The following EXOC2 variants were observed in gnomAD, a reference collection of about 807,000 sequenced individuals.
EXOC2 encodes exocyst complex component 2, also known as SEC5-like 1.
A neutral mutation model predicts 131.8 loss-of-function variants in EXOC2; 70 were observed. That is an observed-to-expected ratio of 0.53 (90% CI 0.44 to 0.65). The LOEUF (loss-of-function observed/expected upper bound fraction) is 0.65. Ranked by LOEUF, EXOC2 falls within the 30% of genes least tolerant of loss-of-function variation. EXOC2 has a pLI of 0.00. For synonymous variants in EXOC2, 411 were observed against 398.4 expected, an observed-to-expected ratio of 1.03 and a Z score of -0.38; for missense variants, 923 against 1,108.6, an observed-to-expected ratio of 0.83 and a Z score of 2.38.
chr6:548,552 T>C (rs547277382), intron 22 of EXOC2, among the ~76,000 whole-genome samples: 9 of 152,334 alleles, frequency 5.9e-5, no homozygotes, highest in African/African-American at 2.2e-4. Flanking sequence ...ACTCACTCCA[T>C]TAATTTCTAC....
intron 1 of EXOC2, among the ~76,000 whole-genome samples, chr6:654,539 C>T (rs1218506186): frequency 6.6e-6 from 1 of 152,046 alleles, no homozygotes; most frequent in Non-Finnish European, 1.5e-5. Context: ...GTGGCTCATG[C>T]CTGTAATCCC....
At chr6:664,428 G>GA (rs1432139650) in intron 1 of EXOC2, among the ~76,000 whole-genome samples, 9 of 152,058 alleles carry the variant, frequency 5.9e-5, no homozygotes, top group African/African-American at 2.2e-4. Context: ...CACAAAATTA[G>GA]AAAAAGCAAT....
chr6:590,104 G>A (rs921790001), intron 11 of EXOC2, among the ~76,000 whole-genome samples: 1 of 131,382 alleles, frequency 7.6e-6, no homozygotes, highest in African/African-American at 2.7e-5. Context: ...GACAAAGCGA[G>A]ACTCTGTCTG....
chr6:646,585 T>C (rs1762588369), intron 1 of EXOC2, among the ~76,000 whole-genome samples: 1 of 152,234 alleles, frequency 6.6e-6, no homozygotes. Context: ...CTACACAACA[T>C]ATTAGGCTCA....
Position 546,073 on chromosome 6 carries a change from C to T in EXOC2, c.2238+3102G>A, listed in dbSNP as rs1209358896. 4.6e-5 allele frequency among the ~76,000 whole-genome samples: 7 copies of T among 151,600 alleles called. No individual in the cohort carries two copies. In the East Asian group the frequency reaches 7.7e-4, roughly 17 times the overall value. ...TCATGGTTACTATAAATATTAAAAT[C>T]GTAGTGTCTACCTTTGGTTGGTGCA... On this transcript the variant is annotated intron_variant, in intron 22 of 27. Transcript: ENST00000230449.
At chr6:504,280 G>A (rs1358654728) in intron 23 of EXOC2, among the ~76,000 whole-genome samples, 5 of 152,238 alleles carry the variant, frequency 3.3e-5, no homozygotes, top group Non-Finnish European at 7.3e-5. Context: ...GAGGTCAGAC[G>A]GAGAAGGTGA....
chr6:532,635 G>T, intron 22 of EXOC2, 25 bp from the exon 23 acceptor site: 1 of 1,457,028 alleles, frequency 6.9e-7, no homozygotes, highest in South Asian at 1.6e-5. Context: ...TGAAGAGTAT[G>T]AGTTGCCTAT....
At chr6:518,024 T>C (rs1765253273) in intron 23 of EXOC2, among the ~76,000 whole-genome samples, 1 of 152,210 alleles carries the variant, frequency 6.6e-6, no homozygotes, top group Non-Finnish European at 1.5e-5. Flanking sequence ...CCAAAAGTAA[T>C]GTGTGGACCT....
chr6:656,842 G>A (rs149140167), intron 1 of EXOC2: 5 of 1,610,408 alleles, frequency 3.1e-6, no homozygotes, highest in Admixed American at 1.7e-5. Flanking sequence ...CTGTCAGGGC[G>A]CACGCGGAGC....
intron 1 of EXOC2, among the ~76,000 whole-genome samples, chr6:653,689 T>G (rs1334475924): frequency 6.6e-6 from 1 of 152,254 alleles, no homozygotes; most frequent in African/African-American, 2.4e-5. Flanking sequence ...CTGCAGCAAG[T>G]TATCCAGAAG....
At chr6:668,479 C>T (rs1222005212) in intron 1 of EXOC2, among the ~76,000 whole-genome samples, 1 of 152,208 alleles carries the variant, frequency 6.6e-6, no homozygotes, top group Non-Finnish European at 1.5e-5. Context: ...CGTTAGGTCC[C>T]TCAACACCCA....
chr6:563,651 C>CT (rs1757815711), intron 16 of EXOC2, among the ~76,000 whole-genome samples: 1 of 152,102 alleles, frequency 6.6e-6, no homozygotes, highest in South Asian at 2.1e-4. Flanking sequence ...AGAACCAACA[C>CT]TAACAGAGTT....
intron 1 of EXOC2, among the ~76,000 whole-genome samples, chr6:659,943 G>A (rs76233105): frequency 0.052 from 7,869 of 151,260 alleles, 245 homozygotes; most frequent in African/African-American, 0.089. Context: ...TCGCAGCTGG[G>A]AGGCAGGTAG....
At chr6:675,361 T>C (rs879779006) in intron 1 of EXOC2, among the ~76,000 whole-genome samples, 53 of 152,332 alleles carry the variant, frequency 3.5e-4, no homozygotes, top group Non-Finnish European at 6.9e-4. Context: ...GCCATGGTAA[T>C]AGCATTGTTT....
intron 27 of EXOC2, 152 bp downstream of exon 27, chr6:488,827 A>G: frequency 2.9e-6 from 2 of 698,262 alleles, no homozygotes; most frequent in Non-Finnish European, 4.7e-6. Flanking sequence ...GTACCTACTA[A>G]CGCTATTAAG....
chr6:526,070 C>G (rs1765716933), intron 23 of EXOC2, among the ~76,000 whole-genome samples: 1 of 151,960 alleles, frequency 6.6e-6, no homozygotes, highest in African/African-American at 2.4e-5. Context: ...TTCTGTAAAA[C>G]TTTCCTTAAG....
chr6:491,036 G>A (rs1351404210), intron 26 of EXOC2, 89 bp downstream of exon 26: 22 of 1,329,930 alleles, frequency 1.7e-5, no homozygotes, highest in East Asian at 2.3e-5. Flanking sequence ...CATGTGCTCT[G>A]ATCAGTCATC....
At chr6:528,102 T>A (rs1293628942) in intron 23 of EXOC2, among the ~76,000 whole-genome samples, 2 of 152,140 alleles carry the variant, frequency 1.3e-5, no homozygotes, top group African/African-American at 4.8e-5. Flanking sequence ...TACTGACATA[T>A]ACACAAATAA....
intron 22 of EXOC2, among the ~76,000 whole-genome samples, chr6:533,549 G>T (rs909087605): frequency 3.3e-5 from 5 of 152,156 alleles, no homozygotes; most frequent in African/African-American, 4.8e-5. Context: ...GAACAGGAAA[G>T]ACCCCTATCA....
Sources: gnomAD v4.1 joint callset for allele counts (sites outside exome capture counted in the v4.1 genomes callset) on GRCh38, gnomAD v4.1.1 for gene constraint, MANE v1.5 for transcripts, NCBI Gene and HGNC (gene_info 2026-07-23, HGNC 2026-07-21) for gene names.